XCR1: variants seen among roughly 807,000 people sequenced by gnomAD.
XCR1 encodes X-C motif chemokine receptor 1.
For synonymous variants in XCR1, 187 were observed against 188.5 expected (o/e 0.99, Z 0.06); for missense variants, 356 against 424.2 (o/e 0.84, Z 1.41).
At chr3:46,084,618 T>A (rs532853617) in intron 1 of XCR1, among the ~76,000 whole-genome samples, 1 of 152,372 alleles carries the variant, frequency 6.6e-6, no homozygotes, top group African/African-American at 2.4e-5. Context: ...CACTCCTTGC[T>A]TTCTTTTTGT....
At chr3:46,023,428 A>T (rs1708210173) in intron 1 of XCR1, 2 of 1,483,886 alleles carry the variant, frequency 1.3e-6, no homozygotes, top group Non-Finnish European at 1.9e-6. Context: ...TTCTGAAGCC[A>T]TGAAGCTGAC....
chr3:46,072,401 T>G (rs575586896), intron 3 of XCR1, among the ~76,000 whole-genome samples: 2 of 152,020 alleles, frequency 1.3e-5, no homozygotes, highest in South Asian at 4.2e-4. Context: ...ACACCTAGAG[T>G]CCCAGTTACT....
intron 3 of XCR1, among the ~76,000 whole-genome samples, chr3:46,070,223 T>C (rs1383748439): frequency 6.6e-6 from 1 of 152,134 alleles, no homozygotes; most frequent in Non-Finnish European, 1.5e-5. Flanking sequence ...TCTTGGAGAA[T>C]GTTCCATATG....
intron 1 of XCR1, 54 bp downstream of exon 1, chr3:46,027,363 G>A (rs1708316053): frequency 6.6e-6 from 1 of 152,092 alleles, no homozygotes; most frequent in South Asian, 2.1e-4. Flanking sequence ...TCCTGATATA[G>A]GCTGTTACAA....
chr3:46,077,913 A>T (rs900715901), intron 1 of XCR1, among the ~76,000 whole-genome samples: 5 of 152,204 alleles, frequency 3.3e-5, no homozygotes, highest in Non-Finnish European at 2.9e-5. Context: ...AACAACACAC[A>T]TTGGGGACTA....
intron 1 of XCR1, chr3:46,023,386 A>T: frequency 6.8e-7 from 1 of 1,460,364 alleles, no homozygotes; most frequent in Non-Finnish European, 9.6e-7. Context: ...CGAAGAGGCG[A>T]TTTCTTGTCA....
intron 4 of XCR1, among the ~76,000 whole-genome samples, chr3:46,061,967 C>T (rs1422734598): frequency 3.3e-5 from 5 of 152,176 alleles, no homozygotes; most frequent in African/African-American, 7.2e-5. Flanking sequence ...ATTCCATCCC[C>T]GGAACCCCTA....
upstream of XCR1, among the ~76,000 whole-genome samples, chr3:46,030,914 G>A (rs1236538765): frequency 6.6e-6 from 1 of 152,274 alleles, no homozygotes; most frequent in African/African-American, 2.4e-5. Context: ...CTGGCCAAAG[G>A]TGTAGCTGGG....
At chr3:46,023,267 C>T (rs1243103804) in intron 1 of XCR1, 37 of 687,874 alleles carry the variant, frequency 5.4e-5, no homozygotes, top group Admixed American at 1.7e-4. Context: ...CTGGCCCCAC[C>T]GCTCCCCTTC....
chr3:46,084,718 C>T (rs965687271), intron 1 of XCR1, among the ~76,000 whole-genome samples: 23 of 152,264 alleles, frequency 1.5e-4, no homozygotes, highest in African/African-American at 2.2e-4. Flanking sequence ...TGAATGTACA[C>T]GCTTATAAGC....
At chr3:46,035,367 G>A (rs1212036570) in intron 5 of XCR1, among the ~76,000 whole-genome samples, 1 of 152,216 alleles carries the variant, frequency 6.6e-6, no homozygotes, top group East Asian at 1.9e-4. Flanking sequence ...CTCAGTTGCA[G>A]CACCTGATTA....
intron 3 of XCR1, among the ~76,000 whole-genome samples, chr3:46,072,418 G>A (rs1344295964): frequency 6.6e-6 from 1 of 152,200 alleles, no homozygotes; most frequent in Non-Finnish European, 1.5e-5. Flanking sequence ...TACTTGGGAG[G>A]CTGAGGTGGG....
intron 1 of XCR1, 191 bp from the exon 2 acceptor site, chr3:46,022,169 C>T (rs376664289): frequency 5.9e-5 from 30 of 507,414 alleles, no homozygotes; most frequent in South Asian, 4.3e-4. Context: ...GGTGTGGTGG[C>T]GCATGCCTAT....
chr3:46,084,413 C>G (rs1255558640), intron 1 of XCR1, among the ~76,000 whole-genome samples: 3 of 152,198 alleles, frequency 2.0e-5, no homozygotes, highest in Non-Finnish European at 2.9e-5. Context: ...ACATCTCATG[C>G]CTCCCTTGAG....
At chr3:46,047,407 T>C (rs996655442) in intron 5 of XCR1, among the ~76,000 whole-genome samples, 10 of 152,242 alleles carry the variant, frequency 6.6e-5, no homozygotes, top group African/African-American at 2.4e-4. Context: ...CTATGATTAA[T>C]GCAGTGATAT....
At chr3:46,084,944 A>G (rs1422328715) in intron 1 of XCR1, among the ~76,000 whole-genome samples, 1 of 151,902 alleles carries the variant, frequency 6.6e-6, no homozygotes, top group African/African-American at 2.4e-5. Context: ...TCCCGAATCT[A>G]AAATAAAAGT....
rs185709360 is a variant in XCR1, at chr3:46,043,493, A to C, written c.-32+10427T>G. Among the ~76,000 whole-genome samples, 309 of 152,230 alleles carry C rather than the reference A, an allele frequency of 2.0e-3. 5 individuals are homozygous for C. Among genetic ancestry groups the C allele is most frequent in the Admixed American group, 0.02 (308 of 15,272 alleles). On this transcript the variant is annotated intron_variant, in intron 5 of 5. Transcript: ENST00000683768. ...AAGTATGACTAAGAAATACTTCAAC[A>C]TGATAAAGTCCATATATGAAAAACC...
intron 5 of XCR1, among the ~76,000 whole-genome samples, chr3:46,049,398 T>G (rs1697697328): frequency 6.6e-6 from 1 of 152,246 alleles, no homozygotes; most frequent in Non-Finnish European, 1.5e-5. Context: ...GTCTGCTTTC[T>G]CATTACCTAG....
intron 4 of XCR1, among the ~76,000 whole-genome samples, chr3:46,054,550 G>C (rs1198314231): frequency 6.6e-6 from 1 of 151,820 alleles, no homozygotes; most frequent in African/African-American, 2.4e-5. Context: ...AAAGGACGAG[G>C]GGGGGGCGAG....
Sources: gnomAD v4.1 joint callset for allele counts (sites outside exome capture counted in the v4.1 genomes callset) on GRCh38, gnomAD v4.1.1 for gene constraint, MANE v1.5 for transcripts, NCBI Gene and HGNC (gene_info 2026-07-23, HGNC 2026-07-21) for gene names.